PCLO: variants seen among roughly 807,000 people sequenced by gnomAD.
PCLO encodes protein piccolo.
A neutral mutation model predicts 427.5 loss-of-function variants in PCLO; 82 were observed. The observed-to-expected ratio is 0.19, with a 90% CI of 0.16 to 0.23. The LOEUF is 0.23. Ranked by LOEUF, PCLO falls within the 10% of genes least tolerant of loss-of-function variation. PCLO has a pLI of 1.00. For missense variants in PCLO, 6,239 were observed against 6,115.9 expected (o/e 1.02, Z -0.67); for synonymous variants, 2,357 against 2,155.4 (o/e 1.09, Z -2.59).
intron 3 of PCLO, among the ~76,000 whole-genome samples, chr7:83,042,092 T>C (rs1227221640): frequency 1.3e-5 from 2 of 152,144 alleles, no homozygotes; most frequent in African/African-American, 4.8e-5. Flanking sequence ...AAAACATTTG[T>C]TTTGAAAATG....
At chr7:82,862,975 T>C (rs1033459432) in intron 10 of PCLO, among the ~76,000 whole-genome samples, 4 of 151,958 alleles carry the variant, frequency 2.6e-5, no homozygotes, top group Non-Finnish European at 5.9e-5. Flanking sequence ...AACTTAATTG[T>C]ACATTTCAAA....
rs1053176169 is a variant in PCLO at position 82,758,375 on chromosome 7, T to C, written c.*200A>G. On this transcript the variant is annotated 3_prime_UTR_variant, in exon 25 of 25. Transcript: ENST00000333891. ...GTCTCAGAACTCCATTCTTCTTGTT[T>C]TCAGTATGTGAACTTTTTCAGTTGA... 2.2e-6 allele frequency: 1 copy of C among 444,830 alleles called. No individual in the cohort carries two copies. The highest frequency in any genetic ancestry group is 2.0e-5 in the African/African-American group (1 of 49,612). The allele number at this position is 444,830 out of a possible 1,614,324, so 27.6% of individuals were successfully genotyped here.
intron 19 of PCLO, among the ~76,000 whole-genome samples, chr7:82,822,897 A>G (rs1443509256): frequency 6.6e-6 from 1 of 152,168 alleles, no homozygotes; most frequent in African/African-American, 2.4e-5. Flanking sequence ...GATAGCAATG[A>G]GAAGAGAGAA....
At chr7:82,966,911 A>C (rs1795788001) in intron 3 of PCLO, among the ~76,000 whole-genome samples, 2 of 152,144 alleles carry the variant, frequency 1.3e-5, no homozygotes, top group African/African-American at 4.8e-5. Context: ...CTTTATAATA[A>C]CCAATTAATC....
intron 22 of PCLO, among the ~76,000 whole-genome samples, chr7:82,767,688 T>A (rs1471636293): frequency 1.3e-5 from 2 of 151,712 alleles, no homozygotes; most frequent in Non-Finnish European, 2.9e-5. Flanking sequence ...TAGAAAATAA[T>A]ATCTATTTAA....
intron 3 of PCLO, among the ~76,000 whole-genome samples, chr7:82,990,442 C>T (rs1338766059): frequency 1.3e-5 from 2 of 152,136 alleles, no homozygotes; most frequent in East Asian, 3.9e-4. Flanking sequence ...TTTTATATAC[C>T]CACTGGATCT....
At chr7:82,974,297 A>G (rs1042097509) in intron 3 of PCLO, among the ~76,000 whole-genome samples, 2 of 152,130 alleles carry the variant, frequency 1.3e-5, no homozygotes, top group Admixed American at 1.3e-4. Context: ...GAGGCAGGAG[A>G]ATCATTTGAA....
chr7:83,107,690 T>G (rs370709002), intron 3 of PCLO, among the ~76,000 whole-genome samples: 1 of 73,514 alleles, frequency 1.4e-5, no homozygotes, highest in African/African-American at 5.7e-5. Context: ...TGCACATATA[T>G]AGAGAGAATA....
chr7:82,903,159 G>A (rs552931051), intron 8 of PCLO, among the ~76,000 whole-genome samples: 11 of 151,938 alleles, frequency 7.2e-5, no homozygotes, highest in Non-Finnish European at 1.6e-4. Context: ...GTTGTGCCGG[G>A]GGAGAAAAAA....
intron 22 of PCLO, among the ~76,000 whole-genome samples, chr7:82,787,099 C>T (rs1012476913): frequency 6.6e-6 from 1 of 151,984 alleles, no homozygotes; most frequent in African/African-American, 2.4e-5. Flanking sequence ...TGGGTATATA[C>T]CCAGTAATGG....
chr7:82,866,343 T>C (rs1449484306), intron 10 of PCLO, among the ~76,000 whole-genome samples: 1 of 151,996 alleles, frequency 6.6e-6, no homozygotes, highest in East Asian at 1.9e-4. Context: ...TAATATATTA[T>C]ATGAGATATA....
In PCLO at chr7:83,084,266, TA is replaced by T. The variant is rs147894353; in HGVS notation, c.3300+49983del. ...GGAGGTAGTGTGAAAGCACCCTATT[TA>T]AAAAAAAAAGAATGACTATAAATTA... On this transcript the variant is annotated intron_variant, in intron 3 of 24. Coordinates refer to ENST00000333891, the MANE Select transcript of PCLO (RefSeq NM_033026.6). 1.8e-4 allele frequency among the ~76,000 whole-genome samples: 27 copies of T among 148,344 alleles called. 1 individual carries two copies. Among genetic ancestry groups the T allele is most frequent in the South Asian group, 4.3e-4 (2 of 4,686 alleles).
chr7:82,967,177 A>C (rs1265698156), intron 3 of PCLO, among the ~76,000 whole-genome samples: 1 of 150,928 alleles, frequency 6.6e-6, no homozygotes, highest in African/African-American at 2.5e-5. Context: ...TGCTGACTAA[A>C]ACATTTTCTT....
At chr7:82,786,756 A>C (rs1052931901) in intron 22 of PCLO, among the ~76,000 whole-genome samples, 35 of 151,602 alleles carry the variant, frequency 2.3e-4, no homozygotes, top group African/African-American at 6.8e-4. Context: ...CCACCCCCCA[A>C]CAGGCCCTGG....
At chr7:83,060,445 C>T (rs185676203) in intron 3 of PCLO, among the ~76,000 whole-genome samples, 1 of 152,258 alleles carries the variant, frequency 6.6e-6, no homozygotes, top group East Asian at 1.9e-4. Context: ...GGCTAGAGAC[C>T]TGCCCCAGAC....
chr7:82,845,314 G>A lies in PCLO; in HGVS notation c.14003C>T (p.Pro4668Leu), dbSNP rs377347584. The change falls in exon 13 of 25, where the codon CCA (proline) becomes CTA (leucine). Residue 4668 changes from proline (P) to leucine (L), a missense_variant. Physicochemically the swap from Pro to Leu is moderately conservative, Grantham distance 98. Coordinates refer to ENST00000333891, the MANE Select transcript of PCLO (RefSeq NM_033026.6). ...CTTTTTGCTCACTGAGGGGGACCCT[G>A]GTTGCCCAGGGCTGGGAACGGAACT... ...GSSSVPSPGQPGSPSVSKKKH... is the reference protein window; with the variant it reads ...GSSSVPSPGQLGSPSVSKKKH... 9.9e-6 allele frequency: 16 copies of A among 1,613,394 alleles called. No individual in the cohort carries two copies. Among genetic ancestry groups the A allele is most frequent in the African/African-American group, 1.3e-5 (1 of 74,890 alleles).
At chr7:82,839,799 G>C (rs1233814625) in intron 14 of PCLO, among the ~76,000 whole-genome samples, 1 of 152,052 alleles carries the variant, frequency 6.6e-6, no homozygotes, top group Non-Finnish European at 1.5e-5. Flanking sequence ...GAGAGAGAAT[G>C]GGATGCCCCA....
intron 6 of PCLO, among the ~76,000 whole-genome samples, chr7:82,936,641 A>C (rs1275913954): frequency 6.6e-6 from 1 of 151,706 alleles, no homozygotes; most frequent in Non-Finnish European, 1.5e-5. Context: ...ATATGGAATT[A>C]CTATAACATC....
intron 3 of PCLO, among the ~76,000 whole-genome samples, chr7:82,973,965 G>C (rs937972485): frequency 1.3e-5 from 2 of 151,880 alleles, no homozygotes; most frequent in African/African-American, 4.8e-5. Flanking sequence ...CTGAATTTTC[G>C]ATGTTTTCAA....
Sources: gnomAD v4.1 joint callset for allele counts (sites outside exome capture counted in the v4.1 genomes callset) on GRCh38, gnomAD v4.1.1 for gene constraint, MANE v1.5 for transcripts, NCBI Gene and HGNC (gene_info 2026-07-23, HGNC 2026-07-21) for gene names.